LUZP2: variants seen among roughly 807,000 people sequenced by gnomAD.
LUZP2 encodes the protein leucine zipper protein 2.
In LUZP2, 52 loss-of-function variants were observed where a neutral mutation model predicts 51.6. That is an observed-to-expected ratio of 1.01 (90% CI 0.81 to 1.27). The LOEUF (loss-of-function observed/expected upper bound fraction) is 1.27, where lower values mean the gene tolerates loss of function less well. Among genes scored for constraint, LUZP2 ranks in the 50% most tolerant of loss-of-function variants. The pLI is 0.00. For synonymous variants in LUZP2, 154 were observed against 137.3 expected (o/e 1.12, Z -0.85); for missense variants, 436 against 395.4 (o/e 1.10, Z -0.87).
intron 1 of LUZP2, among the ~76,000 whole-genome samples, chr11:24,499,287 C>T (rs1356848200): frequency 6.6e-6 from 1 of 152,098 alleles, no homozygotes; most frequent in African/African-American, 2.4e-5. Context: ...TTACTGGATA[C>T]CCAGAATACC....
At chr11:24,529,705 T>C (rs1480075679) in intron 1 of LUZP2, among the ~76,000 whole-genome samples, 2 of 150,962 alleles carry the variant, frequency 1.3e-5, no homozygotes, top group Non-Finnish European at 3.0e-5. Context: ...TTTCCCCCCA[T>C]TTAATAGAGC....
At chr11:24,568,139 A>T (rs928156030) in intron 1 of LUZP2, among the ~76,000 whole-genome samples, 3 of 152,116 alleles carry the variant, frequency 2.0e-5, no homozygotes, top group Non-Finnish European at 2.9e-5. Context: ...TTGCAATTGC[A>T]AAAAAGTATT....
chr11:25,051,223 A>G (rs1021211339), intron 10 of LUZP2, among the ~76,000 whole-genome samples: 1 of 152,124 alleles, frequency 6.6e-6, no homozygotes, highest in Non-Finnish European at 1.5e-5. Context: ...AGGCTGAGGC[A>G]GGAGAATGGC....
chr11:24,937,900 C>CAA (rs1160488593), intron 7 of LUZP2, among the ~76,000 whole-genome samples: 11 of 106,912 alleles, frequency 1.0e-4, no homozygotes, highest in African/African-American at 2.7e-4. Context: ...GATTCCCTCT[C>CAA]AAAAAAAAAA....
intron 9 of LUZP2, among the ~76,000 whole-genome samples, chr11:24,988,555 C>A (rs533440595): frequency 5.3e-5 from 8 of 151,908 alleles, no homozygotes; most frequent in Non-Finnish European, 1.2e-4. Context: ...ATGTAAAATA[C>A]CGTGACTATA....
At chr11:25,024,045 T>G (rs540856302) in intron 9 of LUZP2, among the ~76,000 whole-genome samples, 41 of 152,294 alleles carry the variant, frequency 2.7e-4, no homozygotes, top group African/African-American at 9.9e-4. Context: ...AAGGGTGCTT[T>G]ACTTCCAACT....
intron 7 of LUZP2, among the ~76,000 whole-genome samples, chr11:24,969,730 A>G (rs1396283461): frequency 6.6e-6 from 1 of 152,206 alleles, no homozygotes; most frequent in Non-Finnish European, 1.5e-5. Context: ...GATTGCTTTA[A>G]GAAATTACGT....
intron 1 of LUZP2, among the ~76,000 whole-genome samples, chr11:24,629,134 T>A (rs1451027780): frequency 6.6e-6 from 1 of 152,080 alleles, no homozygotes; most frequent in African/African-American, 2.4e-5. Flanking sequence ...TTTTGTTACA[T>A]ACATAGATTT....
chr11:24,567,790 CTG>C (rs1444056036), intron 1 of LUZP2, among the ~76,000 whole-genome samples: 2 of 151,946 alleles, frequency 1.3e-5, no homozygotes, highest in Non-Finnish European at 2.9e-5. Context: ...TAAATAAAAA[CTG>C]AGAAAATGTG....
chr11:25,018,177 A>G (rs185965772), intron 9 of LUZP2, among the ~76,000 whole-genome samples: 75 of 152,204 alleles, frequency 4.9e-4, no homozygotes, highest in African/African-American at 1.8e-3. Context: ...ACTTCTCTGA[A>G]TTCATTGATC....
At chr11:24,807,696 C>T (rs1247254322) in intron 5 of LUZP2, among the ~76,000 whole-genome samples, 6 of 151,994 alleles carry the variant, frequency 3.9e-5, no homozygotes, top group Admixed American at 3.3e-4. Context: ...TTCATGTTGG[C>T]CTCTCTGTGT....
At chr11:24,591,665 C>T (rs12280090) in intron 1 of LUZP2, among the ~76,000 whole-genome samples, 1,872 of 152,152 alleles carry the variant, frequency 0.012, 29 homozygotes, top group African/African-American at 0.041. Flanking sequence ...ATCAATTGTA[C>T]GACCTTGAGC....
At chr11:24,755,663 A>C (rs902345721) in intron 4 of LUZP2, among the ~76,000 whole-genome samples, 1 of 152,170 alleles carries the variant, frequency 6.6e-6, no homozygotes. Context: ...GATGACAGAC[A>C]TGCCTCATTA....
intron 7 of LUZP2, among the ~76,000 whole-genome samples, chr11:24,956,649 T>C (rs1855221319): frequency 6.6e-6 from 1 of 152,022 alleles, no homozygotes; most frequent in Non-Finnish European, 1.5e-5. Context: ...GTCATAGGTG[T>C]AACAGGAAAT....
chr11:24,509,615 T>C (rs1364851082), intron 1 of LUZP2, among the ~76,000 whole-genome samples: 1 of 149,860 alleles, frequency 6.7e-6, no homozygotes, highest in East Asian at 2.0e-4. Context: ...AAAAATATGG[T>C]TATATATAAC....
At chr11:24,891,351 T>G in intron 5 of LUZP2, 2 of 918,132 alleles carry the variant, frequency 2.2e-6, no homozygotes, top group Non-Finnish European at 2.6e-6. Context: ...CATACTGACA[T>G]GTACATATAC....
At chr11:25,040,925 C>T (rs542931096) in intron 9 of LUZP2, among the ~76,000 whole-genome samples, 4 of 152,126 alleles carry the variant, frequency 2.6e-5, no homozygotes, top group South Asian at 4.1e-4. Flanking sequence ...AGAATTGTAT[C>T]GCTACCAAAA....
chr11:24,649,091 G>T (rs1855548343), intron 1 of LUZP2, among the ~76,000 whole-genome samples: 1 of 151,888 alleles, frequency 6.6e-6, no homozygotes, highest in Admixed American at 6.6e-5. Context: ...GACAAAACAT[G>T]GAGAAAACAT....
At chr11:25,059,542 G>A (rs1043984724) in intron 10 of LUZP2, among the ~76,000 whole-genome samples, 4 of 152,090 alleles carry the variant, frequency 2.6e-5, no homozygotes, top group African/African-American at 9.7e-5. Context: ...ACACATGCAT[G>A]TATCATAATG....
Sources: gnomAD v4.1 joint callset for allele counts (sites outside exome capture counted in the v4.1 genomes callset) on GRCh38, gnomAD v4.1.1 for gene constraint, MANE v1.5 for transcripts, NCBI Gene and HGNC (gene_info 2026-07-23, HGNC 2026-07-21) for gene names.